Variants in ALMS1 observed in about 807,000 individuals in gnomAD.
The protein encoded by ALMS1 is ALMS1 centrosome and basal body associated protein.
A neutral mutation model predicts 352.2 loss-of-function variants in ALMS1; 271 were observed. That is an observed-to-expected ratio of 0.77 (90% confidence interval 0.70 to 0.85). ALMS1 has a LOEUF of 0.85. Among genes scored for constraint, ALMS1 ranks in the 40% least tolerant of loss-of-function variants. The pLI, the probability that ALMS1 is intolerant of heterozygous loss-of-function variation, is 0.00. For synonymous variants in ALMS1, 1,865 were observed against 1,761.2 expected (o/e 1.06, Z -1.48); for missense variants, 5,445 against 4,870.7 (o/e 1.12, Z -3.51).
chr2:73,467,377 G>A (rs1407524478), intron 9 of ALMS1, among the ~76,000 whole-genome samples: 2 of 152,010 alleles, frequency 1.3e-5, no homozygotes, highest in African/African-American at 4.8e-5. Flanking sequence ...CAATATCACT[G>A]CCTGTTTGGT....
intron 2 of ALMS1, among the ~76,000 whole-genome samples, chr2:73,412,511 T>G (rs1243337673): frequency 2.0e-5 from 3 of 152,158 alleles, no homozygotes; most frequent in African/African-American, 4.8e-5. Flanking sequence ...TAGGAATGGC[T>G]GGACGTGGTG....
rs1671999132 is a variant in ALMS1, at chr2:73,453,707, G to A, written c.7180G>A (p.Gly2394Arg). The A allele has an allele frequency of 1.2e-6, 2 of 1,614,132 alleles. No individual in the cohort carries two copies. The highest frequency in any genetic ancestry group is 1.7e-6 in the Non-Finnish European group (2 of 1,180,010). ...AKSVMRSEPE[G>R]CSGTIGNKII... The stretch of plus-strand genomic sequence containing the variant: ...ATCTGTAATGAGGTCTGAACCTGAA[G>A]GGTGTAGTGGAACCATTGGGAATAA... Residue 2394 changes from glycine to arginine, a missense_variant, in exon 8 of 23, where the codon GGG (glycine) becomes AGG (arginine). Transcript: ENST00000613296.
chr2:73,488,585 C>G (rs1337851028), intron 9 of ALMS1, among the ~76,000 whole-genome samples: 2 of 152,146 alleles, frequency 1.3e-5, no homozygotes, highest in Non-Finnish European at 2.9e-5. Context: ...TCTGCCTGTT[C>G]CTGGCTCCCA....
At chr2:73,533,312 T>C (rs568290509) in intron 11 of ALMS1, among the ~76,000 whole-genome samples, 6 of 152,314 alleles carry the variant, frequency 3.9e-5, no homozygotes, top group Admixed American at 3.9e-4. Context: ...GTGTTTCTTA[T>C]TGCTTTAGGC....
At chr2:73,429,278 C>CTTTTT (rs5832107) in intron 6 of ALMS1, among the ~76,000 whole-genome samples, 3 of 102,706 alleles carry the variant, frequency 2.9e-5, no homozygotes. Flanking sequence ...AATTAATATG[C>CTTTTT]TTTTTTTTTT....
chr2:73,493,346 T>TACACACAC (rs55857864), intron 10 of ALMS1, among the ~76,000 whole-genome samples: 2 of 144,418 alleles, frequency 1.4e-5, no homozygotes, highest in African/African-American at 2.5e-5. Flanking sequence ...TAAGGCAAAC[T>TACACACAC]ACACACACAC....
At position 73,573,242 on chromosome 2, in the gene ALMS1, C is replaced by T. The variant is rs752623561; in HGVS notation, c.11365C>T (p.Arg3789Trp). Reference sequence around the variant, plus strand: ...CTCTGTTTCCACTATTGACACTGCCCGGCTGATTCAAGCTTTTGGCCATGA... The same window carrying T: ...CTCTGTTTCCACTATTGACACTGCCTGGCTGATTCAAGCTTTTGGCCATGA... The part of the protein sequence containing the change: ...SSSVSTIDTA[R>W]LIQAFGHERV... The change falls in exon 16 of 23, where the codon CGG (arginine) becomes TGG (tryptophan). Residue 3789 changes from arginine to tryptophan, a missense_variant. Transcript: ENST00000613296. 32 of 1,613,630 alleles carry T rather than the reference C, an allele frequency of 2.0e-5. No homozygotes were observed. The highest frequency in any genetic ancestry group is 4.4e-5 in the South Asian group (4 of 91,072).
chr2:73,430,682 T>A (rs1342076476), intron 6 of ALMS1, among the ~76,000 whole-genome samples: 1 of 152,188 alleles, frequency 6.6e-6, no homozygotes, highest in Non-Finnish European at 1.5e-5. Flanking sequence ...TACAGTTGCC[T>A]ACAATATTTA....
intron 7 of ALMS1, among the ~76,000 whole-genome samples, chr2:73,437,580 A>G (rs1446744601): frequency 6.6e-6 from 1 of 152,078 alleles, no homozygotes; most frequent in Non-Finnish European, 1.5e-5. Flanking sequence ...TTGTTACTTT[A>G]TGGATCGTAT....
chr2:73,413,569 A>G (rs1671121626), intron 2 of ALMS1, among the ~76,000 whole-genome samples: 1 of 152,182 alleles, frequency 6.6e-6, no homozygotes, highest in Non-Finnish European at 1.5e-5. Context: ...CCCAATTTGT[A>G]ACCATCCGGA....
At chr2:73,586,953 G>C (rs926630410) in intron 16 of ALMS1, among the ~76,000 whole-genome samples, 2 of 152,048 alleles carry the variant, frequency 1.3e-5, no homozygotes, top group African/African-American at 4.8e-5. Flanking sequence ...TTTCCTTGTA[G>C]AGATCTTTCA....
At position 73,385,840 on chromosome 2, in the gene ALMS1, T is replaced by C. The variant is rs987571770; in HGVS notation, c.-29T>C. On this transcript the variant is annotated 5_prime_UTR_variant, in exon 1 of 23. Coordinates refer to ENST00000613296, the MANE Select transcript of ALMS1 (RefSeq NM_001378454.1). ...CCCCTCCCTCCCCCCCTCCTCCTCC[T>C]CCTCTGCCGCCCAGAGCGAGACACC... 5.4e-5 allele frequency: 35 copies of C among 651,032 alleles called. 1 individual carries two copies. The Admixed American group carries it at 6.3e-4, about 12-fold the overall frequency. 40.3% of individuals were successfully genotyped at this position (651,032 alleles called of 1,614,324 possible).
intron 1 of ALMS1, among the ~76,000 whole-genome samples, chr2:73,394,051 G>T (rs1254047402): frequency 2.6e-5 from 4 of 151,728 alleles, no homozygotes; most frequent in Non-Finnish European, 5.9e-5. Flanking sequence ...AAACTCTTGG[G>T]CTAAAGCCAT....
chr2:73,454,100 T>C (rs1672010168), intron 8 of ALMS1, 33 bp downstream of exon 8: 2 of 1,575,296 alleles, frequency 1.3e-6, no homozygotes, highest in Admixed American at 1.8e-5. Context: ...ATAAACGTTA[T>C]AGTTTAATAA....
rs1402244580 is a variant in ALMS1, at chr2:73,385,898, C to A, written c.30C>A (p.Gly10=). MEPEDLPWP[G]ELEEEEEEEE... ...AGCCCGAGGATCTGCCATGGCCGGGCGAGCTGGAGGAGGAGGAGGAGGAGG... is the reference window on the plus strand; with the variant it reads ...AGCCCGAGGATCTGCCATGGCCGGGAGAGCTGGAGGAGGAGGAGGAGGAGG... Residue 10 remains glycine, a synonymous_variant, in exon 1 of 23, where the codon GGC becomes GGA. Transcript: ENST00000613296. 2 of 835,750 alleles carry A rather than the reference C, an allele frequency of 2.4e-6. No homozygotes were observed. Among genetic ancestry groups the A allele is most frequent in the African/African-American group, 3.9e-5 (2 of 51,070 alleles). The allele number at this position is 835,750 out of a possible 1,614,324, so 51.8% of individuals were successfully genotyped here.
intron 9 of ALMS1, among the ~76,000 whole-genome samples, chr2:73,473,742 A>G (rs1000288742): frequency 6.6e-6 from 1 of 152,146 alleles, no homozygotes; most frequent in African/African-American, 2.4e-5. Flanking sequence ...TACAGTAACA[A>G]AAATTCTTTA....
Position 73,568,995 on chromosome 2 carries a change from C to CTTTTTTTTTTTTTT in ALMS1, c.10385-3243_10385-3230dup, listed in dbSNP as rs747436819. Reference sequence around the variant, plus strand: ...AGCTTGCTTGCTGCTGCTTCTGCTTCTTTTTTTTTTTTTTTTTTTTTTTTT... The same window carrying CTTTTTTTTTTTTTT: ...AGCTTGCTTGCTGCTGCTTCTGCTTCTTTTTTTTTTTTTTTTTTTTTTTTTTTTTTTTTTTTTTT... On this transcript the variant is annotated intron_variant, in intron 15 of 22. Transcript: ENST00000613296. Among the ~76,000 whole-genome samples, 28 of 53,556 alleles carry CTTTTTTTTTTTTTT rather than the reference C, an allele frequency of 5.2e-4. 10 individuals carry two copies. The highest frequency in any genetic ancestry group is 1.0e-3 in the Admixed American group (4 of 3,884). 35.1% of individuals were successfully genotyped at this position (53,556 alleles called of 152,430 possible).
chr2:73,432,355 T>G, intron 7 of ALMS1, 64 bp downstream of exon 7: 1 of 1,151,042 alleles, frequency 8.7e-7, no homozygotes, highest in Admixed American at 1.8e-5. Context: ...AATATCTTGT[T>G]AGGTCTATCT....
At position 73,424,545 on chromosome 2, in the gene ALMS1, A is replaced by C; in HGVS notation, c.880A>C (p.Ser294Arg). Reference protein sequence around the residue: ...VASDLASSRFSVSQHPLIGST... With the variant: ...VASDLASSRFRVSQHPLIGST... Reference sequence around the variant, plus strand: ...TTCAGACTTAGCAAGCAGTCGCTTTAGTGTATCTCAGCACCCGCTTATAGG... The same window carrying C: ...TTCAGACTTAGCAAGCAGTCGCTTTCGTGTATCTCAGCACCCGCTTATAGG... Residue 294 changes from serine (S) to arginine (R), a missense_variant, in exon 5 of 23, where the codon AGT becomes CGT. By Grantham distance (110) the Ser-to-Arg change is moderately radical. Transcript: ENST00000613296. 1 of 1,613,506 alleles carries C rather than the reference A, an allele frequency of 6.2e-7. No individual in the cohort carries two copies. Among genetic ancestry groups the C allele is most frequent in the South Asian group, 1.1e-5 (1 of 90,968 alleles).
Sources: allele counts gnomAD v4.1 joint callset (sites outside exome capture counted in the v4.1 genomes callset), GRCh38; gene constraint gnomAD v4.1.1; transcripts MANE v1.5; gene names NCBI Gene and HGNC (gene_info 2026-07-23, HGNC 2026-07-21).